ESCO2: variants seen among roughly 807,000 people sequenced by gnomAD.
ESCO2 encodes the protein establishment of sister chromatid cohesion N-acetyltransferase 2, also known as N-acetyltransferase ESCO2.
Under a neutral mutation model 61.7 loss-of-function variants are expected in ESCO2, and 51 were observed. That is an observed-to-expected ratio of 0.83 (90% CI 0.66 to 1.04). The LOEUF (loss-of-function observed/expected upper bound fraction) is 1.04. ESCO2 is among the 50% of genes least tolerant of loss of function. The pLI, the probability that ESCO2 is intolerant of heterozygous loss-of-function variation, is 0.00. For missense variants in ESCO2, 692 were observed against 686.2 expected (o/e 1.01, Z -0.09); for synonymous variants, 230 against 238.2 (o/e 0.97, Z 0.32).
At chr8:27,783,300 A>G (rs1467362224) in intron 4 of ESCO2, among the ~76,000 whole-genome samples, 1 of 152,190 alleles carries the variant, frequency 6.6e-6, no homozygotes, top group Non-Finnish European at 1.5e-5. Flanking sequence ...TGGGTGTATC[A>G]GTAGTAATTC....
downstream of ESCO2, among the ~76,000 whole-genome samples, chr8:27,812,888 C>G (rs1805721533): frequency 6.6e-6 from 1 of 152,160 alleles, no homozygotes; most frequent in South Asian, 2.1e-4. Context: ...TAAACTAGTT[C>G]AACCATTGTG....
At chr8:27,810,964 C>T, downstream of ESCO2, 1 of 1,573,518 alleles carries the variant, frequency 6.4e-7, no homozygotes, top group Non-Finnish European at 8.7e-7. Flanking sequence ...ATACCTTCAT[C>T]ATCATCATCA....
At chr8:27,777,512 C>T in intron 3 of ESCO2, 1 of 203,090 alleles carries the variant, frequency 4.9e-6, no homozygotes, top group South Asian at 7.9e-5. Flanking sequence ...GTTGCCCAGG[C>T]TGGTCTCGCA....
chr8:27,813,953 A>C (rs1805758686), downstream of ESCO2, among the ~76,000 whole-genome samples: 1 of 146,428 alleles, frequency 6.8e-6, no homozygotes, highest in Non-Finnish European at 1.5e-5. Flanking sequence ...GCAGGTGTAC[A>C]TGTTTATGTG....
At chr8:27,787,611 G>T (rs746146553) in intron 5 of ESCO2, among the ~76,000 whole-genome samples, 17 of 152,150 alleles carry the variant, frequency 1.1e-4, no homozygotes, top group Non-Finnish European at 5.9e-5. Flanking sequence ...ATGTGCATCT[G>T]ATATTGTGGA....
At chr8:27,785,774 G>A (rs907811594) in intron 5 of ESCO2, among the ~76,000 whole-genome samples, 21 of 151,558 alleles carry the variant, frequency 1.4e-4, no homozygotes, top group Admixed American at 1.2e-3. Context: ...ACTCCAAAAC[G>A]TCAGTTATCA....
chr8:27,817,318 A>AGTTTCACT (rs1355528660), downstream of ESCO2, among the ~76,000 whole-genome samples: 10 of 152,294 alleles, frequency 6.6e-5, no homozygotes, highest in South Asian at 1.7e-3. Context: ...CATCATAGAA[A>AGTTTCACT]GTTTCACTGA....
downstream of ESCO2, chr8:27,811,971 C>G (rs1805694597): frequency 6.6e-6 from 1 of 152,154 alleles, no homozygotes; most frequent in African/African-American, 2.4e-5. Flanking sequence ...ACTAACTTCA[C>G]TATAGCTGTT....
In ESCO2 at chr8:27,803,780, T is replaced by C; in HGVS notation, c.*342T>C. ...ACAAAGTGATTTTTCTCTAGAAATG[T>C]GACCTGGTCTTTTATAAAGCCCACT... On this transcript the variant is annotated 3_prime_UTR_variant, in exon 11 of 11. Transcript: ENST00000305188. The C allele has an allele frequency of 2.9e-6, 3 of 1,040,814 alleles. No individual in the cohort carries two copies. The highest frequency in any genetic ancestry group is 3.5e-6 in the Non-Finnish European group (3 of 866,142). The allele number at this position is 1,040,814 out of a possible 1,614,324, so 64.5% of individuals were successfully genotyped here.
At chr8:27,772,801 T>C, upstream of ESCO2, 2 of 547,300 alleles carry the variant, frequency 3.7e-6, no homozygotes, top group Non-Finnish European at 6.5e-6. Flanking sequence ...AGTTAACCTG[T>C]CTGTGCTTCA....
At chr8:27,791,497 G>C (rs1805174241) in intron 7 of ESCO2, among the ~76,000 whole-genome samples, 1 of 152,178 alleles carries the variant, frequency 6.6e-6, no homozygotes. Flanking sequence ...CACTATGCTG[G>C]GGGTTGAGAT....
At chr8:27,780,672 CTG>C (rs1402479718) in intron 4 of ESCO2, among the ~76,000 whole-genome samples, 1 of 152,186 alleles carries the variant, frequency 6.6e-6, no homozygotes, top group Non-Finnish European at 1.5e-5. Flanking sequence ...ATAAGTGACA[CTG>C]AAATTAAGCA....
At chr8:27,784,952 T>G (rs950813008) in intron 5 of ESCO2, among the ~76,000 whole-genome samples, 5 of 152,248 alleles carry the variant, frequency 3.3e-5, no homozygotes, top group African/African-American at 1.2e-4. Flanking sequence ...TTCCCATTTT[T>G]CACCTGTGTT....
At chr8:27,794,030 G>C (rs1805240187) in intron 9 of ESCO2, among the ~76,000 whole-genome samples, 1 of 151,994 alleles carries the variant, frequency 6.6e-6, no homozygotes, top group South Asian at 2.1e-4. Context: ...CACTTAGCAT[G>C]ATGTCCTCCA....
chr8:27,798,926 G>C (rs1805362388), intron 9 of ESCO2, among the ~76,000 whole-genome samples: 1 of 152,142 alleles, frequency 6.6e-6, no homozygotes, highest in Non-Finnish European at 1.5e-5. Flanking sequence ...TGACTCAATA[G>C]TTCTGCATTT....
rs542912266 is a variant in ESCO2, at chr8:27,794,658, C to T, written c.1497+1847C>T. On this transcript the variant is annotated intron_variant, in intron 9 of 10. Coordinates refer to ENST00000305188, the MANE Select transcript of ESCO2 (RefSeq NM_001017420.3). ...ATAGCCAAAAAATTATTGCCCAGAC[C>T]GATGTCAAGCTTTTTTCTCATTTTT... is the stretch of plus-strand genomic sequence containing the variant. Among the ~76,000 whole-genome samples the T allele has an allele frequency of 3.9e-5, 6 of 152,164 alleles. 1 individual carries two copies. In the South Asian group the frequency reaches 8.3e-4, roughly 21 times the overall value.
chr8:27,782,951 C>T (rs972468009), intron 4 of ESCO2, among the ~76,000 whole-genome samples: 1 of 152,032 alleles, frequency 6.6e-6, no homozygotes, highest in African/African-American at 2.4e-5. Context: ...CCATCTTAGG[C>T]TACCTCAGTA....
chr8:27,795,669 T>C (rs1300932017), intron 9 of ESCO2, among the ~76,000 whole-genome samples: 4 of 152,222 alleles, frequency 2.6e-5, no homozygotes, highest in African/African-American at 7.2e-5. Context: ...CTTTAGTATA[T>C]TGAGGTACAT....
rs114667641 is a variant in ESCO2, at chr8:27,804,927, A to T, written c.*1489A>T. On this transcript the variant is annotated 3_prime_UTR_variant, in exon 11 of 11. Coordinates refer to ENST00000305188, the MANE Select transcript of ESCO2 (RefSeq NM_001017420.3). ...AACTAAATCTGATTTTAATTATTTT[A>T]TTATGAAAATAGTATATGTTAAATA... is the stretch of plus-strand genomic sequence containing the variant. 3,647 of 341,504 alleles carry T rather than the reference A, an allele frequency of 0.011. 155 individuals are homozygous for T. Among genetic ancestry groups the T allele is most frequent in the African/African-American group, 0.076 (3,435 of 45,032 alleles). The allele number at this position is 341,504 out of a possible 1,614,324, so 21.2% of individuals were successfully genotyped here. A position where few individuals can be genotyped will look rare whatever the true frequency, so the allele number is the denominator to read the frequency against.
Sources: allele counts gnomAD v4.1 joint callset (sites outside exome capture counted in the v4.1 genomes callset), GRCh38; gene constraint gnomAD v4.1.1; transcripts MANE v1.5; gene names NCBI Gene and HGNC (gene_info 2026-07-23, HGNC 2026-07-21).